Variants in BTG4 observed in about 807,000 individuals in gnomAD.
The protein encoded by BTG4 is protein BTG4.
A neutral mutation model predicts 19.3 loss-of-function variants in BTG4; 10 were observed. The ratio of observed to expected loss-of-function variants is 0.52; its 90% CI spans 0.32 to 0.88. The LOEUF is 0.88. Among genes scored for constraint, BTG4 ranks in the 40% least tolerant of loss-of-function variants. BTG4 has a pLI of 0.04. For missense variants in BTG4, 238 were observed against 281.9 expected, an observed-to-expected ratio of 0.84 and a Z score of 1.11; for synonymous variants, 91 against 95.7, an observed-to-expected ratio of 0.95 and a Z score of 0.29.
At chr11:111,503,155 A>T (rs1866207597) in intron 1 of BTG4, among the ~76,000 whole-genome samples, 1 of 152,234 alleles carries the variant, frequency 6.6e-6, no homozygotes, top group African/African-American at 2.4e-5. Context: ...GACTACTTGG[A>T]TGTAAAGTTT....
At chr11:111,464,340 A>G (rs1224804788), downstream of BTG4, among the ~76,000 whole-genome samples, 1 of 151,992 alleles carries the variant, frequency 6.6e-6, no homozygotes, top group South Asian at 2.1e-4. Context: ...ACAACCCATC[A>G]CTTTTGCCAT....
the BTG4 span, among the ~76,000 whole-genome samples, chr11:111,415,169 A>C: frequency 6.6e-6 from 1 of 152,162 alleles, no homozygotes; most frequent in Non-Finnish European, 1.5e-5. Flanking sequence ...CCCAGTGCAG[A>C]ACACAGAATT....
At chr11:111,487,687 T>C (rs919590707) in intron 5 of BTG4, among the ~76,000 whole-genome samples, 4 of 152,158 alleles carry the variant, frequency 2.6e-5, no homozygotes, top group African/African-American at 9.7e-5. Flanking sequence ...TTGCAGACGA[T>C]ATAGTCTTAT....
chr11:111,429,562 T>A, the BTG4 span, among the ~76,000 whole-genome samples: 2 of 152,320 alleles, frequency 1.3e-5, no homozygotes, highest in East Asian at 3.9e-4. Flanking sequence ...AAGGTATCCC[T>A]GGACTTGTTG....
the BTG4 span, among the ~76,000 whole-genome samples, chr11:111,430,063 G>A: frequency 6.6e-6 from 1 of 152,204 alleles, no homozygotes; most frequent in Admixed American, 6.5e-5. Flanking sequence ...CGCTTATGGT[G>A]CATTGTCATG....
downstream of BTG4, among the ~76,000 whole-genome samples, chr11:111,493,958 A>G (rs892326524): frequency 1.2e-4 from 18 of 152,150 alleles, no homozygotes; most frequent in African/African-American, 4.1e-4. Flanking sequence ...AACTTTTTGT[A>G]TCCACTCAGA....
the BTG4 span, among the ~76,000 whole-genome samples, chr11:111,430,057 T>G: frequency 0.35 from 52,777 of 152,088 alleles, 9,226 homozygotes; most frequent in African/African-American, 0.39. Context: ...AGTAAACGCT[T>G]ATGGTGCATT....
downstream of BTG4, among the ~76,000 whole-genome samples, chr11:111,492,914 G>A (rs568494701): frequency 6.6e-6 from 1 of 152,180 alleles, no homozygotes; most frequent in East Asian, 1.9e-4. Flanking sequence ...GGGAGGCCAA[G>A]GTGGGCAGAT....
the BTG4 span, chr11:111,454,415 G>C: frequency 4.7e-6 from 2 of 422,162 alleles, no homozygotes; most frequent in Admixed American, 5.8e-5. Flanking sequence ...TGTGGGGCTA[G>C]AAAGAGTCTC....
chr11:111,447,906 C>G, the BTG4 span, among the ~76,000 whole-genome samples: 2 of 152,172 alleles, frequency 1.3e-5, no homozygotes, highest in Admixed American at 1.3e-4. Context: ...TACCGCCACC[C>G]TCATCTTGTT....
the BTG4 span, among the ~76,000 whole-genome samples, chr11:111,413,530 C>CT: frequency 1.3e-5 from 2 of 152,218 alleles, no homozygotes; most frequent in Non-Finnish European, 2.9e-5. Context: ...TAAAGATATC[C>CT]TTTTTGTACT....
chr11:111,412,698 A>T, the BTG4 span, among the ~76,000 whole-genome samples: 4 of 152,250 alleles, frequency 2.6e-5, no homozygotes, highest in African/African-American at 9.6e-5. Flanking sequence ...AAGAAAACAG[A>T]ATCCCAAAGA....
chr11:111,441,031 G>T, the BTG4 span, among the ~76,000 whole-genome samples: 1 of 152,124 alleles, frequency 6.6e-6, no homozygotes, highest in African/African-American at 2.4e-5. Context: ...CTTAGGCTGG[G>T]AGTGGCAGTC....
At chr11:111,514,706 T>G, upstream of BTG4, 1 of 1,081,932 alleles carries the variant, frequency 9.2e-7, no homozygotes, top group Non-Finnish European at 1.3e-6. Flanking sequence ...TGGTACCAAC[T>G]TGGCGGTTCT....
the BTG4 span, among the ~76,000 whole-genome samples, chr11:111,389,255 A>T: frequency 2.0e-5 from 3 of 152,226 alleles, no homozygotes; most frequent in Non-Finnish European, 2.9e-5. Flanking sequence ...GAATGAAGAG[A>T]CAGAGAAAAT....
At chr11:111,468,291 C>T (rs1055496326) in intron 5 of BTG4, among the ~76,000 whole-genome samples, 7 of 152,246 alleles carry the variant, frequency 4.6e-5, no homozygotes, top group Admixed American at 3.3e-4. Context: ...GGTAAACGAA[C>T]TCAGGTTGTG....
chr11:111,491,339 C>T (rs1171678226), downstream of BTG4, among the ~76,000 whole-genome samples: 1 of 152,084 alleles, frequency 6.6e-6, no homozygotes, highest in Non-Finnish European at 1.5e-5. Flanking sequence ...TGATACTGTA[C>T]TAAAGTTTTG....
At chr11:111,503,466 T>C (rs116300457) in intron 1 of BTG4, among the ~76,000 whole-genome samples, 1,624 of 152,342 alleles carry the variant, frequency 0.011, 38 homozygotes, top group African/African-American at 0.037. Flanking sequence ...CCTTGTGTCA[T>C]GTCTAAAATT....
At chr11:111,394,344 C>T in the BTG4 span, among the ~76,000 whole-genome samples, 3 of 152,108 alleles carry the variant, frequency 2.0e-5, no homozygotes, top group African/African-American at 7.2e-5. Flanking sequence ...TGGGAGGGAC[C>T]CCATGGGAGG....
Sources: allele counts gnomAD v4.1 joint callset (sites outside exome capture counted in the v4.1 genomes callset), GRCh38; gene constraint gnomAD v4.1.1; transcripts MANE v1.5; gene names NCBI Gene and HGNC (gene_info 2026-07-23, HGNC 2026-07-21).